BLM: variants seen among roughly 807,000 people sequenced by gnomAD.
The protein encoded by BLM is recQ-like DNA helicase BLM.
Under a neutral mutation model 135.3 loss-of-function variants are expected in BLM, and 95 were observed. The observed-to-expected ratio is 0.70, with a 90% confidence interval of 0.59 to 0.83. The LOEUF is 0.83. BLM is among the 40% of genes least tolerant of loss of function. The pLI, the probability that BLM is intolerant of heterozygous loss-of-function variation, is 0.00. For missense variants in BLM, 1,518 were observed against 1,663.9 expected (o/e 0.91, Z 1.53); for synonymous variants, 520 against 589.2 (o/e 0.88, Z 1.70).
In BLM at chr15:90,803,661, G is replaced by A. The variant is rs778901209; in HGVS notation, c.3499G>A (p.Ala1167Thr). ...CTTATATATCAATGCCAATGACCAGGCGATCGCTTATGTGATGCTCGGAAA... is the reference window on the plus strand; with the variant it reads ...CTTATATATCAATGCCAATGACCAGACGATCGCTTATGTGATGCTCGGAAA... ...EDLYINANDQ[A>T]IAYVMLGNKA... is the part of the protein sequence containing the mutation. Residue 1167 changes from alanine (A) to threonine (T), a missense_variant, in exon 18 of 22, where the codon GCG becomes ACG. Transcript: ENST00000355112. 1 of 1,614,108 alleles carries A rather than the reference G, an allele frequency of 6.2e-7. No homozygotes were observed. The highest frequency in any genetic ancestry group is 1.3e-5 in the African/African-American group (1 of 75,014).
chr15:90,798,325 G>A lies in BLM; in HGVS notation c.3346G>A (p.Asp1116Asn), dbSNP rs936749145. 8 of 1,612,658 alleles carry A rather than the reference G, an allele frequency of 5.0e-6. No homozygotes were observed. Among genetic ancestry groups the A allele is most frequent in the African/African-American group, 1.3e-5 (1 of 74,852 alleles). Residue 1116 changes from aspartate to asparagine, a missense_variant, in exon 17 of 22, where the codon GAC (aspartate) becomes AAC (asparagine). This residue lies in a region of BLM where 626 missense variants were observed against 681.1 expected (regional missense o/e 0.92). Transcript: ENST00000355112. Reference sequence around the variant, plus strand: ...AAGATTTACTATGAATATGCTGGTCGACATTTTCTTGGGTAAGTCATCTGT... The same window carrying A: ...AAGATTTACTATGAATATGCTGGTCAACATTTTCTTGGGTAAGTCATCTGT... Reference protein sequence around the residue: ...SGRFTMNMLVDIFLGSKSAKI... With the variant: ...SGRFTMNMLVNIFLGSKSAKI...
chr15:90,753,177 G>GA (rs1596222441), intron 4 of BLM, among the ~76,000 whole-genome samples: 2 of 152,136 alleles, frequency 1.3e-5, no homozygotes, highest in East Asian at 3.9e-4. Flanking sequence ...CAAGGCTGTA[G>GA]TATGCTGTGA....
intron 21 of BLM, among the ~76,000 whole-genome samples, chr15:90,812,512 C>G (rs1000353906): frequency 6.6e-6 from 1 of 152,196 alleles, no homozygotes; most frequent in African/African-American, 2.4e-5. Context: ...TGATTTTCTG[C>G]CAGGGCACCC....
At position 90,804,331 on chromosome 15, in the gene BLM, T is replaced by A; in HGVS notation, c.3723T>A (p.Phe1241Leu). 3 of 1,614,214 alleles carry A rather than the reference T, an allele frequency of 1.9e-6. No homozygotes were observed. The highest frequency in any genetic ancestry group is 2.5e-6 in the Non-Finnish European group (3 of 1,180,022). The change falls in exon 19 of 22, where the codon TTT becomes TTA. Residue 1241 changes from phenylalanine (F) to leucine (L), a missense_variant. Physicochemically the swap from Phe to Leu is conservative, Grantham distance 22. Around this residue, in one of 5 missense-constraint regions of BLM, gnomAD observed 626 missense variants for 681.1 expected, o/e 0.92. Coordinates refer to ENST00000355112, the MANE Select transcript of BLM (RefSeq NM_000057.4). ...TTGGTGTCCATTACTTCAATATTTT[T>A]AATACCGTCACTCTCAAGAAGCTTG... The part of the protein sequence containing the change: ...KVFGVHYFNI[F>L]NTVTLKKLAE...
At chr15:90,737,986 AT>A (rs1248816828) in intron 1 of BLM, among the ~76,000 whole-genome samples, 1 of 152,222 alleles carries the variant, frequency 6.6e-6, no homozygotes, top group Non-Finnish European at 1.5e-5. Context: ...ATTATAACTG[AT>A]TTACAGAAGT....
intron 1 of BLM, among the ~76,000 whole-genome samples, chr15:90,738,433 G>A (rs1895275796): frequency 6.6e-6 from 1 of 152,110 alleles, no homozygotes. Context: ...AATTTGCCAG[G>A]TGTGATGGTA....
intron 5 of BLM, among the ~76,000 whole-genome samples, chr15:90,757,150 A>G (rs988372418): frequency 2.0e-5 from 3 of 152,218 alleles, no homozygotes; most frequent in Admixed American, 6.5e-5. Context: ...CAGCTATTTG[A>G]TAACAGGCTC....
rs1596259789 is a variant in BLM at position 90,794,160 on chromosome 15, C to G, written c.3020-7C>G. The G allele has an allele frequency of 1.3e-6, 2 of 1,589,810 alleles. No individual in the cohort carries two copies. The highest frequency in any genetic ancestry group is 1.7e-5 in the Admixed American group (1 of 59,388). ...GTATGTCTTACTATAGTCTTCATCTCTTTTAGTGGAAAAAGATGGAAACCA... is the reference window on the plus strand; with the variant it reads ...GTATGTCTTACTATAGTCTTCATCTGTTTTAGTGGAAAAAGATGGAAACCA... On this transcript the variant is annotated splice_polypyrimidine_tract_variant and splice_region_variant and intron_variant, in intron 15 of 21. Transcript: ENST00000355112.
chr15:90,785,592 A>T (rs558146372), intron 14 of BLM, among the ~76,000 whole-genome samples: 1 of 148,638 alleles, frequency 6.7e-6, no homozygotes, highest in South Asian at 2.1e-4. Context: ...CGCCCAGACT[A>T]CAGTGCAGTA....
rs141269464 is a variant in BLM at position 90,798,289 on chromosome 15, G to A, written c.3310G>A (p.Gly1104Ser). 137 of 1,612,676 alleles carry A rather than the reference G, an allele frequency of 8.5e-5. No homozygotes were observed. The highest frequency in any genetic ancestry group is 1.1e-4 in the Non-Finnish European group (132 of 1,179,336). ...SQGMRNIKHV[G>S]PSGRFTMNML... ...AGGAATGAGAAATATAAAACATGTA[G>A]GTCCTTCTGGAAGATTTACTATGAA... is the stretch of plus-strand genomic sequence containing the variant. Residue 1104 changes from glycine to serine, a missense_variant, in exon 17 of 22, where the codon GGT becomes AGT. Physicochemically the swap from Gly to Ser is moderately conservative, Grantham distance 56. Transcript: ENST00000355112.
chr15:90,764,485 G>C (rs1375654587), intron 8 of BLM, among the ~76,000 whole-genome samples: 1 of 151,698 alleles, frequency 6.6e-6, no homozygotes, highest in Non-Finnish European at 1.5e-5. Flanking sequence ...AGAAGCTGGG[G>C]CTACAGGCAT....
At chr15:90,771,595 ATTTTTTTTTT>A (rs760752305) in intron 12 of BLM, among the ~76,000 whole-genome samples, 1 of 125,300 alleles carries the variant, frequency 8.0e-6, no homozygotes, top group South Asian at 2.4e-4. Flanking sequence ...TTGATCTATA[ATTTTTTTTTT>A]TTTTTTTTTT....
chr15:90,782,617 G>A (rs978092185), intron 12 of BLM, among the ~76,000 whole-genome samples: 2 of 152,100 alleles, frequency 1.3e-5, no homozygotes, highest in Non-Finnish European at 1.5e-5. Context: ...CGGGTGGGGA[G>A]AGCCAGCAAG....
chr15:90,756,215 T>C (rs1895814392), intron 5 of BLM, among the ~76,000 whole-genome samples: 1 of 152,118 alleles, frequency 6.6e-6, no homozygotes, highest in Admixed American at 6.5e-5. Context: ...GTGATTCTCC[T>C]GCCTCAGCCT....
chr15:90,752,598 T>TA (rs1403111618), intron 4 of BLM, among the ~76,000 whole-genome samples: 2 of 152,202 alleles, frequency 1.3e-5, no homozygotes, highest in Non-Finnish European at 2.9e-5. Context: ...TAGTACTTTT[T>TA]AAAAAAATCC....
At chr15:90,747,305 A>G in intron 1 of BLM, 84 bp from the exon 2 acceptor site, 1 of 1,036,274 alleles carries the variant, frequency 9.6e-7, no homozygotes, top group Non-Finnish European at 1.5e-6. Context: ...GCCTGTTTGA[A>G]TCAAGTCCTT....
chr15:90,769,344 G>T, intron 11 of BLM, 94 bp from the exon 12 acceptor site: 7 of 1,559,556 alleles, frequency 4.5e-6, no homozygotes, highest in Non-Finnish European at 6.2e-6. Flanking sequence ...TTTTACTGAA[G>T]AATAAGGTAG....
Position 90,777,724 on chromosome 15 carries a change from A to G in BLM, c.2556-5098A>G, listed in dbSNP as rs542839577. Among the ~76,000 whole-genome samples the G allele has an allele frequency of 7.2e-5, 11 of 152,346 alleles. No homozygotes were observed. The South Asian group carries it at 2.3e-3, about 32-fold the overall frequency. On this transcript the variant is annotated intron_variant, in intron 12 of 21. Coordinates refer to ENST00000355112, the MANE Select transcript of BLM (RefSeq NM_000057.4). ...AAAATTCATCCATTTAAAGGGTACA[A>G]TTTAGTGGGTTGCTTTTTTTCTGTA...
intron 3 of BLM, 69 bp from the exon 4 acceptor site, chr15:90,751,718 G>A (rs1003043071): frequency 7.3e-6 from 10 of 1,372,528 alleles, no homozygotes; most frequent in Admixed American, 1.7e-5. Context: ...ATTCTTAATC[G>A]CTCATGCCCT....
Sources: gnomAD v4.1 joint callset for allele counts (sites outside exome capture counted in the v4.1 genomes callset) on GRCh38, gnomAD v4.1.1 for gene constraint, gnomAD v4.1.1 regional missense constraint, MANE v1.5 for transcripts, NCBI Gene and HGNC (gene_info 2026-07-23, HGNC 2026-07-21) for gene names.